ADGRL4: variants seen among roughly 807,000 people sequenced by gnomAD.
ADGRL4 encodes EGF, latrophilin and seven transmembrane domain containing 1.
A neutral mutation model predicts 74.8 loss-of-function variants in ADGRL4; 90 were observed. The ratio of observed to expected loss-of-function variants is 1.20; its 90% CI spans 1.02 to 1.43. ADGRL4 has a LOEUF of 1.43. ADGRL4 is among the 40% of genes most tolerant of loss of function. ADGRL4 has a pLI of 0.00. For synonymous variants in ADGRL4, 311 were observed against 279.2 expected (o/e 1.11, Z -1.14); for missense variants, 881 against 814.3 (o/e 1.08, Z -1.00).
chr1:78,947,922 G>T (rs1649639918), intron 2 of ADGRL4, among the ~76,000 whole-genome samples: 1 of 152,138 alleles, frequency 6.6e-6, no homozygotes, highest in Admixed American at 6.5e-5. Flanking sequence ...ACTGGCTATT[G>T]CTCACATATA....
Position 78,918,063 on chromosome 1 carries a change from G to GAA in ADGRL4, c.1462-15_1462-14dup, listed in dbSNP as rs200740355. The GAA allele has an allele frequency of 1.2e-3, 1,372 of 1,166,466 alleles. No homozygotes were observed. Among genetic ancestry groups the GAA allele is most frequent in the South Asian group, 1.5e-3 (98 of 64,600 alleles). 72.3% of individuals were successfully genotyped at this position (1,166,466 alleles called of 1,614,324 possible). A position where few individuals can be genotyped will look rare whatever the true frequency, so the allele number is the denominator to read the frequency against. ...TTGAACAGAAGAGCTAGAAATCAAA[G>GAA]AAAAAAAAAAAAACATTGTCAGTGT... On this transcript the variant is annotated splice_polypyrimidine_tract_variant and intron_variant, in intron 10 of 14. Coordinates refer to ENST00000370742, the MANE Select transcript of ADGRL4 (RefSeq NM_022159.4).
chr1:79,006,621 C>A lies in ADGRL4; in HGVS notation c.22+12G>T. 1 of 1,536,370 alleles carries A rather than the reference C, an allele frequency of 6.5e-7. No individual in the cohort carries two copies. The highest frequency in any genetic ancestry group is 8.8e-7 in the Non-Finnish European group (1 of 1,141,800). On this transcript the variant is annotated intron_variant, in intron 1 of 14. Coordinates refer to ENST00000370742, the MANE Select transcript of ADGRL4 (RefSeq NM_022159.4). Reference sequence around the variant, plus strand: ...CCGACGACCTCGGCGACCAGGGGCGCTGAGCACTCACCTAGGAGCGGGAGG... The same window carrying A: ...CCGACGACCTCGGCGACCAGGGGCGATGAGCACTCACCTAGGAGCGGGAGG...
chr1:78,943,529 C>A (rs745733960), intron 3 of ADGRL4, among the ~76,000 whole-genome samples: 13 of 152,168 alleles, frequency 8.5e-5, no homozygotes, highest in Non-Finnish European at 1.8e-4. Flanking sequence ...TGGATTATTT[C>A]TTGCCCTGTA....
At chr1:78,968,512 G>GTC (rs1650102791) in intron 2 of ADGRL4, among the ~76,000 whole-genome samples, 10 of 135,808 alleles carry the variant, frequency 7.4e-5, no homozygotes, top group Admixed American at 5.9e-4. Flanking sequence ...GTGGGGGGGT[G>GTC]GGGGGGAGAC....
At chr1:78,898,890 CAAG>C (rs1648456657) in intron 12 of ADGRL4, among the ~76,000 whole-genome samples, 1 of 151,840 alleles carries the variant, frequency 6.6e-6, no homozygotes, top group Non-Finnish European at 1.5e-5. Flanking sequence ...TTAAAAAAAA[CAAG>C]AAATTTAAGT....
intron 12 of ADGRL4, among the ~76,000 whole-genome samples, chr1:78,906,234 T>G (rs1648631926): frequency 6.6e-6 from 1 of 152,066 alleles, no homozygotes; most frequent in South Asian, 2.1e-4. Context: ...TATAGCTAAA[T>G]AATTGCTCTA....
intron 12 of ADGRL4, among the ~76,000 whole-genome samples, chr1:78,910,021 C>T (rs2100661966): frequency 6.6e-6 from 1 of 151,798 alleles, no homozygotes; most frequent in South Asian, 2.1e-4. Flanking sequence ...ATAGACAATT[C>T]AGGTTTTTTG....
chr1:78,920,432 G>T, intron 9 of ADGRL4, 46 bp from the exon 10 acceptor site: 1 of 1,208,996 alleles, frequency 8.3e-7, no homozygotes, highest in Non-Finnish European at 1.2e-6. Context: ...AACTCACTAA[G>T]TTGTCAAAGG....
intron 2 of ADGRL4, among the ~76,000 whole-genome samples, chr1:78,971,692 A>G (rs1219815722): frequency 6.6e-6 from 1 of 152,188 alleles, no homozygotes; most frequent in Non-Finnish European, 1.5e-5. Context: ...ACACTATGTG[A>G]CTTGTTCAGA....
chr1:78,948,595 G>A (rs536724266), intron 2 of ADGRL4, among the ~76,000 whole-genome samples: 35 of 152,010 alleles, frequency 2.3e-4, no homozygotes, highest in African/African-American at 8.0e-4. Flanking sequence ...AAATGCGGAA[G>A]AGTTAATACT....
intron 2 of ADGRL4, among the ~76,000 whole-genome samples, chr1:79,001,292 A>C (rs1265287547): frequency 1.3e-5 from 2 of 152,026 alleles, no homozygotes; most frequent in African/African-American, 4.8e-5. Flanking sequence ...GGTACTACTC[A>C]ACTCAATTGA....
intron 2 of ADGRL4, among the ~76,000 whole-genome samples, chr1:78,978,148 C>A (rs890139899): frequency 3.3e-5 from 5 of 151,828 alleles, no homozygotes; most frequent in Admixed American, 2.6e-4. Flanking sequence ...GGCTCTTTCA[C>A]CCTAAATCAT....
intron 3 of ADGRL4, among the ~76,000 whole-genome samples, chr1:78,945,575 T>C (rs1649584076): frequency 6.6e-6 from 1 of 152,188 alleles, no homozygotes; most frequent in African/African-American, 2.4e-5. Flanking sequence ...TGTAATCCAG[T>C]TCTCTAGGAT....
intron 7 of ADGRL4, among the ~76,000 whole-genome samples, chr1:78,934,055 C>T (rs1172300751): frequency 1.3e-5 from 2 of 152,060 alleles, no homozygotes; most frequent in East Asian, 3.9e-4. Context: ...GACTATTTCA[C>T]AGAATTAGAA....
chr1:78,895,573 C>CA (rs1648378785), intron 12 of ADGRL4, among the ~76,000 whole-genome samples: 1 of 151,978 alleles, frequency 6.6e-6, no homozygotes, highest in Non-Finnish European at 1.5e-5. Flanking sequence ...TGGATTTAAT[C>CA]AGTTATGATG....
At chr1:78,997,108 C>G (rs1650732931) in intron 2 of ADGRL4, among the ~76,000 whole-genome samples, 1 of 151,970 alleles carries the variant, frequency 6.6e-6, no homozygotes, top group Non-Finnish European at 1.5e-5. Flanking sequence ...TGATGATCAC[C>G]TTGTTTAACC....
chr1:78,961,293 C>T (rs1175827810), intron 2 of ADGRL4, among the ~76,000 whole-genome samples: 1 of 152,054 alleles, frequency 6.6e-6, no homozygotes, highest in Non-Finnish European at 1.5e-5. Flanking sequence ...CAGGTGCATG[C>T]CACCTCACCC....
intron 2 of ADGRL4, among the ~76,000 whole-genome samples, chr1:78,981,215 A>G (rs1266767942): frequency 6.6e-6 from 1 of 151,926 alleles, no homozygotes; most frequent in African/African-American, 2.4e-5. Flanking sequence ...GAAGAAAAAT[A>G]TCAACTGATT....
At chr1:78,925,244 GACCATGAGCAAATT>G (rs1256295154) in intron 8 of ADGRL4, among the ~76,000 whole-genome samples, 6 of 151,962 alleles carry the variant, frequency 3.9e-5, no homozygotes, top group African/African-American at 1.4e-4. Context: ...ATTGTTGAGT[GACCATGAGCAAATT>G]ATTTAATCTC....
Sources: gnomAD v4.1 joint callset for allele counts (sites outside exome capture counted in the v4.1 genomes callset) on GRCh38, gnomAD v4.1.1 for gene constraint, MANE v1.5 for transcripts, NCBI Gene and HGNC (gene_info 2026-07-23, HGNC 2026-07-21) for gene names.